The following FASTKD5 variants were observed in gnomAD, a reference collection of about 807,000 sequenced individuals.
FASTKD5 encodes the protein non-canonical pre-mRNAs endonuclease FASTKD5, mitochondrial.
FASTKD5 carries 30 observed loss-of-function variants against 44.0 expected under a neutral mutation model. That is an observed-to-expected ratio of 0.68 (90% CI 0.51 to 0.93). The LOEUF (loss-of-function observed/expected upper bound fraction) is 0.93, where lower values mean the gene tolerates loss of function less well. Ranked by LOEUF, FASTKD5 falls within the 40% of genes least tolerant of loss-of-function variation. The pLI is 0.00. For missense variants in FASTKD5, 868 were observed against 908.2 expected, an observed-to-expected ratio of 0.96 and a Z score of 0.57; for synonymous variants, 335 against 342.2, an observed-to-expected ratio of 0.98 and a Z score of 0.23.
At chr20:3,152,380 C>T (rs927408020) in intron 1 of FASTKD5, among the ~76,000 whole-genome samples, 2 of 151,368 alleles carry the variant, frequency 1.3e-5, no homozygotes, top group Non-Finnish European at 2.9e-5. Context: ...GGGGCACCTG[C>T]AATCCCAGCT....
In FASTKD5 at chr20:3,148,886, G is replaced by A; in HGVS notation, c.185C>T (p.Thr62Ile). 1.9e-6 allele frequency: 3 copies of A among 1,614,190 alleles called. No homozygotes were observed. Among genetic ancestry groups the A allele is most frequent in the Non-Finnish European group, 2.5e-6 (3 of 1,180,030 alleles). The part of the protein sequence containing the change: ...SAKKVKNICS[T>I]FSSRRILTTS... ...TGTCAGGATTCTCCGAGAAGAGAAG[G>A]TGCTACATATGTTCTTAACTTTTTT... The change falls in exon 2 of 2, where the codon ACC becomes ATC. Residue 62 changes from threonine to isoleucine, a missense_variant. By Grantham distance (89) the Thr-to-Ile change is moderately conservative. Coordinates refer to ENST00000380266, the MANE Select transcript of FASTKD5 (RefSeq NM_021826.5).
At position 3,150,198 on chromosome 20, in the gene FASTKD5, T is replaced by A. The variant is rs551653865; in HGVS notation, c.-190-938A>T. The stretch of plus-strand genomic sequence containing the variant: ...AATTTGAGTCACTATTAGAGAGTAG[T>A]CACAGAGTAATGGTGTTATTAGAAA... On this transcript the variant is annotated intron_variant, in intron 1 of 1. Coordinates refer to ENST00000380266, the MANE Select transcript of FASTKD5 (RefSeq NM_021826.5). 3.9e-5 allele frequency among the ~76,000 whole-genome samples: 6 copies of A among 152,204 alleles called. No homozygotes were observed. In the South Asian group the frequency reaches 1.2e-3, roughly 32 times the overall value.
At chr20:3,157,774 G>A (rs1169145990) in intron 1 of FASTKD5, among the ~76,000 whole-genome samples, 1 of 152,104 alleles carries the variant, frequency 6.6e-6, no homozygotes, top group Non-Finnish European at 1.5e-5. Flanking sequence ...CCAAATAAAT[G>A]GTCCAAGTAC....
At chr20:3,153,569 G>A (rs995059148) in intron 1 of FASTKD5, among the ~76,000 whole-genome samples, 2 of 152,196 alleles carry the variant, frequency 1.3e-5, no homozygotes. Flanking sequence ...GTGTACTAGA[G>A]AGACAAGAAT....
rs2066566051 is a variant in FASTKD5 at position 3,146,689 on chromosome 20, C to T, written c.*87G>A. 1 of 1,470,812 alleles carries T rather than the reference C, an allele frequency of 6.8e-7. No individual in the cohort carries two copies. The highest frequency in any genetic ancestry group is 2.2e-5 in the Admixed American group (1 of 45,356). 91.1% of individuals were successfully genotyped at this position (1,470,812 alleles called of 1,614,324 possible). ...CTCAACACACTATTTTATCGCCAAA[C>T]TTACATTCTGGCTTTTATAATCATT... On this transcript the variant is annotated 3_prime_UTR_variant, in exon 2 of 2. Coordinates refer to ENST00000380266, the MANE Select transcript of FASTKD5 (RefSeq NM_021826.5).
In FASTKD5 at chr20:3,147,942, T is replaced by C. The variant is rs3746699; in HGVS notation, c.1129A>G (p.Ile377Val). The C allele has an allele frequency of 7.1e-5, 114 of 1,614,200 alleles. No individual in the cohort carries two copies. The East Asian group carries it at 2.5e-3, about 35-fold the overall frequency. ...ATTCGCTGAGGAGCTATCTCTCCAA[T>C]CTGCTTCATGAAATTGATGTGATCC... ...HVDHINFMKQ[I>V]GEIAPQRIPS... Residue 377 changes from isoleucine (I) to valine (V), a missense_variant, in exon 2 of 2, where the codon ATT (isoleucine) becomes GTT (valine). By Grantham distance (29) the Ile-to-Val change is conservative (BLOSUM62 3). Transcript: ENST00000380266.
At position 3,149,863 on chromosome 20, in the gene FASTKD5, C is replaced by CA. The variant is rs1281227265; in HGVS notation, c.-190-604dup. Among the ~76,000 whole-genome samples the CA allele has an allele frequency of 6.6e-6, 1 of 151,910 alleles. No individual in the cohort carries two copies. Among genetic ancestry groups the CA allele is most frequent in the Non-Finnish European group, 1.5e-5 (1 of 67,988 alleles). The stretch of plus-strand genomic sequence containing the variant: ...CGAAATCCCGTCTCTATTAAAAATA[C>CA]AAAAAATTACCCAGGTGTGGCAGCA... On this transcript the variant is annotated intron_variant, in intron 1 of 1. Coordinates refer to ENST00000380266, the MANE Select transcript of FASTKD5 (RefSeq NM_021826.5). The surrounding 1 kb of genome is among the most constrained non-coding windows in gnomAD (Gnocchi z 4.1).
chr20:3,147,764 G>C lies in FASTKD5; in HGVS notation c.1307C>G (p.Ser436Ter). 8 of 1,614,116 alleles carry C rather than the reference G, an allele frequency of 5.0e-6. No individual in the cohort carries two copies. The highest frequency in any genetic ancestry group is 6.8e-6 in the Non-Finnish European group (8 of 1,180,034). ...RSKDVAKILW[S>*]FGTLNYKPPN... ...TGGCTTATAATTCAGAGTTCCAAAT[G>C]ACCACAGAATCTTGGCAACATCTTT... is the stretch of plus-strand genomic sequence containing the variant. The change falls in exon 2 of 2, where the codon TCA becomes TGA. Residue 436 changes from serine to a stop codon, truncating the protein, a stop_gained. Transcript: ENST00000380266. LOFTEE classifies it high-confidence loss of function.
chr20:3,153,318 A>G (rs1213726971), intron 1 of FASTKD5, among the ~76,000 whole-genome samples: 2 of 152,250 alleles, frequency 1.3e-5, no homozygotes, highest in Non-Finnish European at 2.9e-5. Flanking sequence ...AAGATCCAAG[A>G]TGGAAATAAC....
In FASTKD5 at chr20:3,146,673, C is replaced by T; in HGVS notation, c.*103G>A. 1 of 1,380,104 alleles carries T rather than the reference C, an allele frequency of 7.2e-7. No homozygotes were observed. The highest frequency in any genetic ancestry group is 9.9e-7 in the Non-Finnish European group (1 of 1,008,824). 85.5% of individuals were successfully genotyped at this position (1,380,104 alleles called of 1,614,324 possible). On this transcript the variant is annotated 3_prime_UTR_variant, in exon 2 of 2. Transcript: ENST00000380266. ...GATACAATTAAGTCTCCTCAACACACTATTTTATCGCCAAACTTACATTCT... is the reference window on the plus strand; with the variant it reads ...GATACAATTAAGTCTCCTCAACACATTATTTTATCGCCAAACTTACATTCT...
In FASTKD5 at chr20:3,148,423, T is replaced by C. The variant is rs114709823; in HGVS notation, c.648A>G (p.Leu216=). 131 of 1,614,148 alleles carry C rather than the reference T, an allele frequency of 8.1e-5. No homozygotes were observed. In the African/African-American group the frequency reaches 1.5e-3, roughly 18 times the overall value. The stretch of plus-strand genomic sequence containing the variant: ...GCATTGAATGGGAGTGAGGGATTCC[T>C]AAAATGACAAAAGCTTTCAAAACAT... ...LINVLKAFVI[L]GIPHSHSMLD... is the part of the protein sequence containing the mutation. The change falls in exon 2 of 2, where the codon TTA becomes TTG. Residue 216 remains leucine (L), a synonymous_variant. Transcript: ENST00000380266.
intron 1 of FASTKD5, chr20:3,151,950 C>A (rs1318499151): frequency 2.0e-5 from 3 of 151,108 alleles, no homozygotes; most frequent in Admixed American, 6.6e-5. Flanking sequence ...ACTACAAATA[C>A]AAAAATTAGC....
At position 3,147,503 on chromosome 20, in the gene FASTKD5, A is replaced by AT; in HGVS notation, c.1567dup (p.Ile523AsnfsTer2). 1 of 1,614,230 alleles carries AT rather than the reference A, an allele frequency of 6.2e-7. No individual in the cohort carries two copies. Among genetic ancestry groups the AT allele is most frequent in the Non-Finnish European group, 8.5e-7 (1 of 1,180,040 alleles). On this transcript the variant is annotated frameshift_variant, in exon 2 of 2. Coordinates refer to ENST00000380266, the MANE Select transcript of FASTKD5 (RefSeq NM_021826.5). LOFTEE classifies it high-confidence loss of function. ...ATTGCCTCTGTAATCTGGACACTCA[A>AT]TGCCAACTGTACCATCGAGGGTATA...
At chr20:3,153,852 CA>C (rs2066657192) in intron 1 of FASTKD5, among the ~76,000 whole-genome samples, 1 of 152,136 alleles carries the variant, frequency 6.6e-6, no homozygotes, top group African/African-American at 2.4e-5. Context: ...GTGAGCATTC[CA>C]AATTCAAAAA....
chr20:3,158,833 T>C (rs964840981), intron 1 of FASTKD5, among the ~76,000 whole-genome samples: 3 of 152,246 alleles, frequency 2.0e-5, no homozygotes, highest in Non-Finnish European at 4.4e-5. Context: ...CCCAGGACCA[T>C]TCAGGTCAGT....
rs1235575769 is a variant in FASTKD5, at chr20:3,147,460, A to C, written c.1611T>G (p.Leu537=). 1.9e-6 allele frequency: 3 copies of C among 1,614,082 alleles called. No homozygotes were observed. The Admixed American group carries it at 5.0e-5, about 27-fold the overall frequency. The change falls in exon 2 of 2, where the codon CTT becomes CTG. Residue 537 remains leucine, a synonymous_variant. Coordinates refer to ENST00000380266, the MANE Select transcript of FASTKD5 (RefSeq NM_021826.5). ...DYRGNRLSTH[L]QQEGSELLWY... is the part of the protein sequence containing the mutation. ...ACAGCAATTCAGACCCCTCTTGCTG[A>C]AGGTGAGTACTAAGACGATTGCCTC... is the stretch of plus-strand genomic sequence containing the variant.
At chr20:3,155,334 A>G (rs568544840) in intron 1 of FASTKD5, among the ~76,000 whole-genome samples, 3 of 152,336 alleles carry the variant, frequency 2.0e-5, no homozygotes, top group East Asian at 1.9e-4. Context: ...GTTTGAGACC[A>G]GCCTGGCCAA....
rs2066574525 is a variant in FASTKD5, at chr20:3,147,260, T to G, written c.1811A>C (p.Asn604Thr). ...LDVNLKPLPF[N>T]REATPAENVA... ...ATTTTCAGCCGGCGTGGCTTCTCTATTAAATGGTAATGGCTTCAGGTTAAC... is the reference window on the plus strand; with the variant it reads ...ATTTTCAGCCGGCGTGGCTTCTCTAGTAAATGGTAATGGCTTCAGGTTAAC... Residue 604 changes from asparagine (N) to threonine (T), a missense_variant, in exon 2 of 2, where the codon AAT becomes ACT. Coordinates refer to ENST00000380266, the MANE Select transcript of FASTKD5 (RefSeq NM_021826.5). The G allele has an allele frequency of 3.7e-6, 6 of 1,614,102 alleles. No individual in the cohort carries two copies. Among genetic ancestry groups the G allele is most frequent in the African/African-American group, 1.3e-5 (1 of 74,926 alleles).
In FASTKD5 at chr20:3,147,616, A is replaced by G; in HGVS notation, c.1455T>C (p.Phe485=). ...GAGCGAAATCAATTAACTCTACTGGAAAGTACTCCAAAAATGCCAGGCCCA... is the reference window on the plus strand; with the variant it reads ...GAGCGAAATCAATTAACTCTACTGGGAAGTACTCCAAAAATGCCAGGCCCA... ...CLLGLAFLEY[F]PVELIDFALS... The change falls in exon 2 of 2, where the codon TTT becomes TTC. Residue 485 remains phenylalanine, a synonymous_variant. Transcript: ENST00000380266. 6.2e-7 allele frequency: 1 copy of G among 1,614,228 alleles called. No individual in the cohort carries two copies. Among genetic ancestry groups the G allele is most frequent in the South Asian group, 1.1e-5 (1 of 91,084 alleles).
Sources: gnomAD v4.1 joint callset for allele counts (sites outside exome capture counted in the v4.1 genomes callset) on GRCh38, gnomAD v4.1.1 for gene constraint, Gnocchi (gnomAD v3.1) non-coding constraint, MANE v1.5 for transcripts, NCBI Gene and HGNC (gene_info 2026-07-23, HGNC 2026-07-21) for gene names.